SCRG1: variants seen among roughly 807,000 people sequenced by gnomAD.
SCRG1 encodes scrapie-responsive protein 1.
In SCRG1, 3 loss-of-function variants were observed where a neutral mutation model predicts 7.7. That is an observed-to-expected ratio of 0.39 (90% CI 0.18 to 1.01). The LOEUF (loss-of-function observed/expected upper bound fraction) is 1.01, where lower values mean the gene tolerates loss of function less well. SCRG1 is among the 50% of genes least tolerant of loss of function. SCRG1 has a pLI of 0.36. For missense variants in SCRG1, 110 were observed against 117.2 expected, an observed-to-expected ratio of 0.94 and a Z score of 0.28; for synonymous variants, 46 against 41.2, an observed-to-expected ratio of 1.12 and a Z score of -0.44.
the SCRG1 span, among the ~76,000 whole-genome samples, chr4:173,423,971 G>T: frequency 2.0e-5 from 3 of 152,112 alleles, no homozygotes; most frequent in Non-Finnish European, 2.9e-5. Context: ...TTCATCAGGA[G>T]CACACTCCCA....
the SCRG1 span, among the ~76,000 whole-genome samples, chr4:173,425,252 C>A: frequency 3.3e-5 from 5 of 152,312 alleles, no homozygotes; most frequent in East Asian, 9.6e-4. Flanking sequence ...CACCGTTTTG[C>A]CTTTTTAATT....
At chr4:173,407,502 T>G (rs1202234535), upstream of SCRG1, among the ~76,000 whole-genome samples, 1 of 152,176 alleles carries the variant, frequency 6.6e-6, no homozygotes, top group African/African-American at 2.4e-5. Flanking sequence ...GCCACTGTAC[T>G]CCAGCCTGGG....
the SCRG1 span, among the ~76,000 whole-genome samples, chr4:173,482,081 G>A: frequency 6.6e-6 from 1 of 152,196 alleles, no homozygotes; most frequent in African/African-American, 2.4e-5. Context: ...TTTGGTGGTT[G>A]AGTGATCATT....
chr4:173,494,787 T>A, the SCRG1 span, among the ~76,000 whole-genome samples: 16 of 152,364 alleles, frequency 1.1e-4, 1 homozygote, highest in South Asian at 3.3e-3. Context: ...GTACTGGTGT[T>A]AGACTAGTGG....
the SCRG1 span, among the ~76,000 whole-genome samples, chr4:173,482,167 G>C: frequency 2.1e-4 from 32 of 152,278 alleles, 1 homozygote; most frequent in East Asian, 1.7e-3. Flanking sequence ...GCATGGGACT[G>C]GGAGTTATAA....
At chr4:173,516,428 C>CT in the SCRG1 span, among the ~76,000 whole-genome samples, 3 of 152,288 alleles carry the variant, frequency 2.0e-5, no homozygotes, top group Admixed American at 2.0e-4. Flanking sequence ...TATTTTCCTC[C>CT]TTTTTTGATT....
At chr4:173,411,827 A>C in the SCRG1 span, among the ~76,000 whole-genome samples, 3 of 152,122 alleles carry the variant, frequency 2.0e-5, no homozygotes, top group Non-Finnish European at 2.9e-5. Flanking sequence ...TTTATGGAGG[A>C]AACTGTACTA....
At chr4:173,498,507 G>C in the SCRG1 span, among the ~76,000 whole-genome samples, 1 of 152,206 alleles carries the variant, frequency 6.6e-6, no homozygotes, top group Non-Finnish European at 1.5e-5. Flanking sequence ...GTGAGATGAA[G>C]GGGCTGAAAC....
At position 173,388,238 on chromosome 4, in the gene SCRG1, C is replaced by T; in HGVS notation, c.*103G>A. Reference sequence around the variant, plus strand: ...TTAGACAAGTAAGAATTTATAGAATCTATGCTCTATTGCACTATATAGAAA... The same window carrying T: ...TTAGACAAGTAAGAATTTATAGAATTTATGCTCTATTGCACTATATAGAAA... On this transcript the variant is annotated 3_prime_UTR_variant, in exon 3 of 3. Transcript: ENST00000296506. The T allele has an allele frequency of 1.6e-6, 1 of 638,428 alleles. No individual in the cohort carries two copies. The highest frequency in any genetic ancestry group is 2.6e-6 in the Non-Finnish European group (1 of 380,020). The allele number at this position is 638,428 out of a possible 1,614,324, so 39.5% of individuals were successfully genotyped here. A position where few individuals can be genotyped will look rare whatever the true frequency, so the allele number is the denominator to read the frequency against.
chr4:173,400,384 G>T (rs1473714072), upstream of SCRG1, among the ~76,000 whole-genome samples: 1 of 152,182 alleles, frequency 6.6e-6, no homozygotes, highest in Admixed American at 6.5e-5. Context: ...GAATACAAAA[G>T]TTTTGGCTGG....
the SCRG1 span, among the ~76,000 whole-genome samples, chr4:173,462,419 A>G: frequency 6.6e-6 from 1 of 152,176 alleles, no homozygotes; most frequent in Admixed American, 6.5e-5. Context: ...TAAAGTGCTG[A>G]AGAAAAAAAC....
chr4:173,511,568 A>G, the SCRG1 span, among the ~76,000 whole-genome samples: 23 of 152,134 alleles, frequency 1.5e-4, no homozygotes, highest in Admixed American at 4.6e-4. This position sits in a 1 kb window ranked among gnomAD's most constrained non-coding sequence, Gnocchi z 5.2. Flanking sequence ...CTCACCCCCA[A>G]TTTCATGAAT....
the SCRG1 span, among the ~76,000 whole-genome samples, chr4:173,512,180 C>T: frequency 3.1e-3 from 473 of 152,316 alleles, 1 homozygote; most frequent in African/African-American, 0.011. Context: ...GTCCTTTTCA[C>T]CCAGCAGATG....
At chr4:173,412,072 ACTGTGT>A in the SCRG1 span, among the ~76,000 whole-genome samples, 1 of 152,140 alleles carries the variant, frequency 6.6e-6, no homozygotes, top group Non-Finnish European at 1.5e-5. Context: ...GCAAGTAGGC[ACTGTGT>A]CTGTCTCAGC....
chr4:173,510,641 C>G, the SCRG1 span, among the ~76,000 whole-genome samples: 1 of 152,116 alleles, frequency 6.6e-6, no homozygotes, highest in African/African-American at 2.4e-5. The surrounding 1 kb of genome is among the most constrained non-coding windows in gnomAD (Gnocchi z 5.7). Flanking sequence ...AGCAACTTCC[C>G]TCCCCCTGGG....
intron 1 of SCRG1, among the ~76,000 whole-genome samples, chr4:173,397,055 A>T: frequency 6.6e-6 from 1 of 152,182 alleles, no homozygotes; most frequent in Non-Finnish European, 1.5e-5. Flanking sequence ...TCCGTCTCAA[A>T]AAAATGAAAT....
At chr4:173,484,923 A>G in the SCRG1 span, among the ~76,000 whole-genome samples, 4 of 1,754 alleles carry the variant, frequency 2.3e-3, no homozygotes, top group Non-Finnish European at 0.015. Flanking sequence ...TATTTTAGAT[A>G]TTATATATTA....
At chr4:173,441,927 G>A in the SCRG1 span, among the ~76,000 whole-genome samples, 2 of 152,168 alleles carry the variant, frequency 1.3e-5, no homozygotes, top group African/African-American at 4.8e-5. Context: ...AGCAAAACAA[G>A]TAATATACAT....
the SCRG1 span, among the ~76,000 whole-genome samples, chr4:173,413,185 C>T: frequency 6.6e-6 from 1 of 152,032 alleles, no homozygotes; most frequent in South Asian, 2.1e-4. Context: ...TGCTCCATTT[C>T]CTGGAGCCTA....
Sources: allele counts gnomAD v4.1 joint callset (sites outside exome capture counted in the v4.1 genomes callset), GRCh38; gene constraint gnomAD v4.1.1; non-coding constraint Gnocchi (gnomAD v3.1); transcripts MANE v1.5; gene names NCBI Gene and HGNC (gene_info 2026-07-23, HGNC 2026-07-21).